The following CBR4 variants were observed in gnomAD, a reference collection of about 807,000 sequenced individuals.
CBR4 encodes the protein carbonyl reductase 4.
In CBR4, 22 loss-of-function variants were observed where a neutral mutation model predicts 21.0. That is an observed-to-expected ratio of 1.05 (90% CI 0.75 to 1.50). CBR4 has a LOEUF of 1.50. Among genes scored for constraint, CBR4 ranks in the 40% most tolerant of loss-of-function variants. The pLI, the probability that CBR4 is intolerant of heterozygous loss-of-function variation, is 0.00. For synonymous variants in CBR4, 100 were observed against 104.4 expected (o/e 0.96, Z 0.26); for missense variants, 302 against 286.3 (o/e 1.05, Z -0.40).
At position 168,905,152 on chromosome 4, in the gene CBR4, T is replaced by TG. The variant is rs1560895135; in HGVS notation, n.170-10388_170-10387insC. ...TTGTTTTGTTGGTTTTTTTTTTTTTTTTTTTTTTTTTTTTTTGAGATGGAA... is the reference window on the plus strand; with the variant it reads ...TTGTTTTGTTGGTTTTTTTTTTTTTTGTTTTTTTTTTTTTTTTGAGATGGAA... On this transcript the variant is annotated intron_variant and non_coding_transcript_variant, in intron 2 of 3. Transcript: ENST00000509108. Among the ~76,000 whole-genome samples, 8 of 133,676 alleles carry TG rather than the reference T, an allele frequency of 6.0e-5. 1 individual carries two copies. The highest frequency in any genetic ancestry group is 1.1e-4 in the Non-Finnish European group (7 of 62,060). 87.7% of individuals were successfully genotyped at this position (133,676 alleles called of 152,430 possible).
intron 2 of CBR4, among the ~76,000 whole-genome samples, chr4:168,959,563 T>TG (rs1560964090): frequency 1.8e-5 from 1 of 55,958 alleles, no homozygotes; most frequent in Non-Finnish European, 4.5e-5. Context: ...ATCAATTTCT[T>TG]TTTTTTTTTT....
chr4:168,954,897 T>C (rs796832915), intron 2 of CBR4, among the ~76,000 whole-genome samples: 3 of 152,216 alleles, frequency 2.0e-5, no homozygotes, highest in African/African-American at 7.2e-5. Context: ...GATAAGAAAA[T>C]GATAAATTAC....
At chr4:168,990,926 C>T (rs974179547) in intron 4 of CBR4, among the ~76,000 whole-genome samples, 1 of 151,630 alleles carries the variant, frequency 6.6e-6, no homozygotes, top group African/African-American at 2.4e-5. Context: ...TGGTGGTGGA[C>T]GCCTGTAATC....
At chr4:168,972,001 CAT>C (rs1282589707) in intron 2 of CBR4, among the ~76,000 whole-genome samples, 1 of 152,210 alleles carries the variant, frequency 6.6e-6, no homozygotes, top group Non-Finnish European at 1.5e-5. Context: ...CATTCTTCCA[CAT>C]GTGGCTTGCC....
chr4:168,916,075 C>T, intron 2 of CBR4: 1 of 1,563,980 alleles, frequency 6.4e-7, no homozygotes. Context: ...ACTTCTCCCT[C>T]ACTTGCCATT....
Position 169,010,225 on chromosome 4 carries a change from C to T in CBR4, c.-136G>A, listed in dbSNP as rs1731321218. 1.3e-6 allele frequency: 1 copy of T among 756,228 alleles called. No homozygotes were observed. Among genetic ancestry groups the T allele is most frequent in the Non-Finnish European group, 2.0e-6 (1 of 489,408 alleles). 46.8% of individuals were successfully genotyped at this position (756,228 alleles called of 1,614,324 possible). ...GGCAAACCGCAAAAAAAAATAACGC[C>T]GCTCGACACCTCCTGCAGCCGCACA... On this transcript the variant is annotated 5_prime_UTR_variant, in exon 1 of 5. Coordinates refer to ENST00000306193, the MANE Select transcript of CBR4 (RefSeq NM_032783.5).
intron 2 of CBR4, chr4:168,926,383 T>C (rs1762582426): frequency 6.5e-7 from 1 of 1,535,916 alleles, no homozygotes; most frequent in African/African-American, 1.4e-5. Context: ...TGAGGACCTG[T>C]AATCCAGCAT....
intron 4 of CBR4, among the ~76,000 whole-genome samples, chr4:168,997,204 C>T (rs1765246830): frequency 6.6e-6 from 1 of 152,200 alleles, no homozygotes; most frequent in Non-Finnish European, 1.5e-5. Context: ...ACTGCATCAC[C>T]TGGACAGTCA....
intron 2 of CBR4, among the ~76,000 whole-genome samples, chr4:168,907,020 C>T (rs1173017706): frequency 6.6e-6 from 1 of 152,196 alleles, no homozygotes; most frequent in Non-Finnish European, 1.5e-5. Flanking sequence ...TGGCATCAGG[C>T]AATCTCAGCT....
chr4:168,940,626 T>C (rs940743704), intron 2 of CBR4, among the ~76,000 whole-genome samples: 9 of 151,470 alleles, frequency 5.9e-5, no homozygotes, highest in African/African-American at 2.2e-4. Flanking sequence ...GGGTGAAGAA[T>C]ATGAACAGAC....
chr4:168,938,916 A>G (rs751032385), intron 2 of CBR4, among the ~76,000 whole-genome samples: 6 of 152,204 alleles, frequency 3.9e-5, no homozygotes, highest in Non-Finnish European at 8.8e-5. Context: ...AAACAATAGT[A>G]AAAAAGGGAA....
At chr4:168,953,469 T>G (rs13116548) in intron 2 of CBR4, among the ~76,000 whole-genome samples, 105,671 of 151,884 alleles carry the variant, frequency 0.7, 38,198 homozygotes, top group East Asian at 0.96. Context: ...TCCGTTGCCT[T>G]TGCAGTGGCA....
intron 2 of CBR4, among the ~76,000 whole-genome samples, chr4:168,929,393 G>GAATT (rs1762894846): frequency 6.6e-6 from 1 of 152,120 alleles, no homozygotes; most frequent in South Asian, 2.1e-4. Flanking sequence ...GGATACATTT[G>GAATT]AATTAGACTA....
At chr4:168,919,860 TCTTTA>T (rs1480621282) in intron 2 of CBR4, among the ~76,000 whole-genome samples, 3 of 152,196 alleles carry the variant, frequency 2.0e-5, no homozygotes, top group Non-Finnish European at 2.9e-5. Flanking sequence ...GATCATGCTG[TCTTTA>T]CTTAGCCAGG....
intron 4 of CBR4, among the ~76,000 whole-genome samples, chr4:169,000,214 G>A (rs1395651156): frequency 6.6e-6 from 1 of 152,086 alleles, no homozygotes; most frequent in East Asian, 1.9e-4. Flanking sequence ...CTTGCATAAA[G>A]CATACACAAA....
At chr4:168,956,871 C>T (rs1560962508) in intron 2 of CBR4, among the ~76,000 whole-genome samples, 2 of 152,054 alleles carry the variant, frequency 1.3e-5, no homozygotes, top group Non-Finnish European at 2.9e-5. Context: ...CTGCAAAATA[C>T]GTGAAACCCT....
chr4:168,985,457 A>C (rs1342511673), downstream of CBR4, among the ~76,000 whole-genome samples: 1 of 152,238 alleles, frequency 6.6e-6, no homozygotes, highest in Non-Finnish European at 1.5e-5. Context: ...AAATTAGTTC[A>C]GCCACTGTGG....
chr4:168,929,133 T>C (rs1218994664), intron 2 of CBR4, among the ~76,000 whole-genome samples: 1 of 151,734 alleles, frequency 6.6e-6, no homozygotes, highest in Admixed American at 6.6e-5. Context: ...ATGATATAAA[T>C]TAAAAGTGAG....
At chr4:168,932,420 C>A (rs1210451844) in intron 2 of CBR4, among the ~76,000 whole-genome samples, 1 of 151,530 alleles carries the variant, frequency 6.6e-6, no homozygotes, top group Non-Finnish European at 1.5e-5. Context: ...AGAAAGCCTA[C>A]AGAATGTATG....
Sources: allele counts gnomAD v4.1 joint callset (sites outside exome capture counted in the v4.1 genomes callset), GRCh38; gene constraint gnomAD v4.1.1; transcripts MANE v1.5; gene names NCBI Gene and HGNC (gene_info 2026-07-23, HGNC 2026-07-21).